Variants in CACNB2 observed in about 807,000 individuals in gnomAD.
The protein encoded by CACNB2 is calcium voltage-gated channel auxiliary subunit beta 2, also known as voltage-dependent L-type calcium channel subunit beta-2.
Under a neutral mutation model 73.3 loss-of-function variants are expected in CACNB2, and 42 were observed. That is an observed-to-expected ratio of 0.57 (90% CI 0.45 to 0.74). The LOEUF is 0.74. CACNB2 is among the 30% of genes least tolerant of loss of function. The pLI is 0.00. For missense variants in CACNB2, 940 were observed against 853.0 expected (o/e 1.10, Z -1.27); for synonymous variants, 348 against 310.3 (o/e 1.12, Z -1.28).
intron 3 of CACNB2, among the ~76,000 whole-genome samples, chr10:18,488,829 G>T (rs779175451): frequency 1.3e-5 from 2 of 151,676 alleles, no homozygotes; most frequent in Non-Finnish European, 2.9e-5. Context: ...GCTTTGGAGA[G>T]AGAGAGATTT....
At chr10:18,372,125 T>G (rs1191662412) in intron 2 of CACNB2, among the ~76,000 whole-genome samples, 1 of 152,232 alleles carries the variant, frequency 6.6e-6, no homozygotes, top group Non-Finnish European at 1.5e-5. Flanking sequence ...ATGAGTAGAT[T>G]GCAAAAATTT....
chr10:18,464,684 C>A (rs2047780925), intron 3 of CACNB2, among the ~76,000 whole-genome samples: 1 of 152,188 alleles, frequency 6.6e-6, no homozygotes, highest in Non-Finnish European at 1.5e-5. Flanking sequence ...TACCACACAT[C>A]TCCAAGCCAC....
chr10:18,346,654 C>T (rs536038622), intron 2 of CACNB2, among the ~76,000 whole-genome samples: 2 of 151,900 alleles, frequency 1.3e-5, no homozygotes. Flanking sequence ...TGGAGTGCAG[C>T]GATATGATCT....
At chr10:18,336,312 A>T (rs1393548519) in intron 2 of CACNB2, among the ~76,000 whole-genome samples, 1 of 152,216 alleles carries the variant, frequency 6.6e-6, no homozygotes, top group Non-Finnish European at 1.5e-5. Context: ...AATACTCCCC[A>T]GAACAATAAA....
intron 2 of CACNB2, among the ~76,000 whole-genome samples, chr10:18,305,182 A>G (rs2039680417): frequency 6.6e-6 from 1 of 152,360 alleles, no homozygotes; most frequent in Non-Finnish European, 1.5e-5. Flanking sequence ...GTTACAGGAA[A>G]TAAATGTCGT....
chr10:18,493,239 G>T (rs2132959108), intron 3 of CACNB2, among the ~76,000 whole-genome samples: 1 of 152,276 alleles, frequency 6.6e-6, no homozygotes, highest in East Asian at 1.9e-4. Flanking sequence ...CACAATCTCG[G>T]GTCACTGCAG....
At chr10:18,142,566 C>A (rs561216374) in intron 1 of CACNB2, among the ~76,000 whole-genome samples, 1 of 152,296 alleles carries the variant, frequency 6.6e-6, no homozygotes, top group African/African-American at 2.4e-5. Flanking sequence ...GACATTTAGA[C>A]CCTCATTTGC....
At chr10:18,196,745 T>G (rs1313005173) in intron 2 of CACNB2, among the ~76,000 whole-genome samples, 1 of 152,210 alleles carries the variant, frequency 6.6e-6, no homozygotes, top group African/African-American at 2.4e-5. Context: ...GGTTATCTTT[T>G]TCTTTAATGC....
intron 3 of CACNB2, among the ~76,000 whole-genome samples, chr10:18,491,921 C>T (rs2049458508): frequency 7.0e-6 from 1 of 142,498 alleles, no homozygotes; most frequent in Admixed American, 7.1e-5. Flanking sequence ...TGCATTGTTA[C>T]ACTGTTATAA....
chr10:18,239,171 T>A (rs1000518051), intron 2 of CACNB2, among the ~76,000 whole-genome samples: 3 of 152,182 alleles, frequency 2.0e-5, no homozygotes, highest in African/African-American at 7.2e-5. Flanking sequence ...TTAATTTTTT[T>A]ATTTTTATAT....
chr10:18,517,727 G>C (rs1369730201), intron 7 of CACNB2, among the ~76,000 whole-genome samples: 1 of 152,070 alleles, frequency 6.6e-6, no homozygotes, highest in African/African-American at 2.4e-5. Context: ...CATGATTACT[G>C]TTTACTAAAA....
At chr10:18,449,631 T>G (rs961211586) in intron 3 of CACNB2, among the ~76,000 whole-genome samples, 2 of 152,142 alleles carry the variant, frequency 1.3e-5, no homozygotes, top group African/African-American at 4.8e-5. Flanking sequence ...GTTAAAGAAA[T>G]AAACTAACTT....
intron 2 of CACNB2, among the ~76,000 whole-genome samples, chr10:18,293,493 G>A (rs1215324464): frequency 2.6e-5 from 4 of 152,182 alleles, no homozygotes; most frequent in Admixed American, 2.6e-4. Flanking sequence ...TGTCAAACTA[G>A]TGCCTGCCTA....
At chr10:18,452,406 T>C (rs1030216311) in intron 3 of CACNB2, among the ~76,000 whole-genome samples, 7 of 152,176 alleles carry the variant, frequency 4.6e-5, no homozygotes, top group Admixed American at 3.9e-4. Flanking sequence ...CCAGTCTGAG[T>C]GGCAGAGAAA....
chr10:18,533,990 C>G, intron 10 of CACNB2, 86 bp from the exon 11 acceptor site: 2 of 1,291,104 alleles, frequency 1.5e-6, no homozygotes, highest in Non-Finnish European at 2.2e-6. Flanking sequence ...GGCTGACCTA[C>G]TCACCTTTCT....
intron 2 of CACNB2, among the ~76,000 whole-genome samples, chr10:18,346,895 C>T (rs1365043716): frequency 6.6e-6 from 1 of 152,086 alleles, no homozygotes; most frequent in Non-Finnish European, 1.5e-5. Flanking sequence ...CTGCACCTGG[C>T]CTGTTAGTGG....
chr10:18,225,563 T>G (rs1209395589), intron 2 of CACNB2, among the ~76,000 whole-genome samples: 2 of 72,524 alleles, frequency 2.8e-5, no homozygotes, highest in African/African-American at 9.6e-5. Context: ...TTTCCCTCCC[T>G]CCCTCCCTCC....
At chr10:18,150,855 C>CTTGTTTTT in intron 1 of CACNB2, 28 bp from the exon 2 acceptor site, 1 of 483,392 alleles carries the variant, frequency 2.1e-6, no homozygotes. Context: ...TCTTATTTGT[C>CTTGTTTTT]TTTTTTTTTT....
chr10:18,271,296 G>T (rs1443875163), intron 2 of CACNB2, among the ~76,000 whole-genome samples: 2 of 152,176 alleles, frequency 1.3e-5, no homozygotes, highest in Non-Finnish European at 2.9e-5. Flanking sequence ...TATAAAGCAA[G>T]AAGCAGCTTA....
Sources: gnomAD v4.1 joint callset for allele counts (sites outside exome capture counted in the v4.1 genomes callset) on GRCh38, gnomAD v4.1.1 for gene constraint, MANE v1.5 for transcripts, NCBI Gene and HGNC (gene_info 2026-07-23, HGNC 2026-07-21) for gene names.